Variants in ANK3 observed in about 807,000 individuals in gnomAD.
ANK3 encodes the protein ankyrin 3, also known as ankyrin-3.
A neutral mutation model predicts 370.9 loss-of-function variants in ANK3; 57 were observed. That is an observed-to-expected ratio of 0.15 (90% confidence interval 0.12 to 0.19). The LOEUF is 0.19. Among genes scored for constraint, ANK3 ranks in the 10% least tolerant of loss-of-function variants. The probability of loss-of-function intolerance (pLI) is 1.00; values close to 1 mark genes in which losing one functional copy is unlikely to be tolerated. For synonymous variants in ANK3, 1,929 were observed against 1,946.3 expected (o/e 0.99, Z 0.23); for missense variants, 4,439 against 5,302.1 (o/e 0.84, Z 5.06).
intron 1 of ANK3, among the ~76,000 whole-genome samples, chr10:60,315,305 C>A (rs2047171466): frequency 6.6e-6 from 1 of 152,064 alleles, no homozygotes; most frequent in African/African-American, 2.4e-5. Context: ...TATGTAAATT[C>A]TTCTTGAAAG....
intron 2 of ANK3, among the ~76,000 whole-genome samples, chr10:60,464,150 G>A (rs774248855): frequency 3.9e-5 from 6 of 152,132 alleles, no homozygotes; most frequent in Non-Finnish European, 7.3e-5. Context: ...AGAGATAAGG[G>A]TGCTAATCGG....
At chr10:60,422,198 A>T (rs1205596055) in intron 2 of ANK3, among the ~76,000 whole-genome samples, 1 of 152,082 alleles carries the variant, frequency 6.6e-6, no homozygotes, top group Non-Finnish European at 1.5e-5. Flanking sequence ...TTCTACCATT[A>T]ATTATCCTTG....
In ANK3 at chr10:60,257,625, C is replaced by T. The variant is rs529159268; in HGVS notation, c.798+4234G>A. Among the ~76,000 whole-genome samples the T allele has an allele frequency of 2.6e-5, 4 of 152,158 alleles. No homozygotes were observed. In the East Asian group the frequency reaches 7.7e-4, roughly 29 times the overall value. Reference sequence around the variant, plus strand: ...TGTCAAAAGTGGAAACTCTATTATCCATGCTTCCCTTTCCACTATATATAT... The same window carrying T: ...TGTCAAAAGTGGAAACTCTATTATCTATGCTTCCCTTTCCACTATATATAT... On this transcript the variant is annotated intron_variant, in intron 7 of 43. Transcript: ENST00000280772.
At position 60,561,583 on chromosome 10, in the gene ANK3, C is replaced by T. The variant is rs986812371; in HGVS notation, c.96+53603G>A. Reference sequence around the variant, plus strand: ...TAACACCCTAAAATATTTTTCGTGACGTTTAAAATTCACAAAACATTGGTT... The same window carrying T: ...TAACACCCTAAAATATTTTTCGTGATGTTTAAAATTCACAAAACATTGGTT... On this transcript the variant is annotated intron_variant, in intron 2 of 43. Coordinates refer to the ANK3 transcript ENST00000373827. Among the ~76,000 whole-genome samples the T allele has an allele frequency of 5.3e-5, 8 of 152,124 alleles. 1 individual carries two copies. Among genetic ancestry groups the T allele is most frequent in the Admixed American group, 2.0e-4 (3 of 15,280 alleles).
chr10:60,469,156 T>C (rs2065104643), intron 2 of ANK3, among the ~76,000 whole-genome samples: 1 of 107,422 alleles, frequency 9.3e-6, no homozygotes, highest in Non-Finnish European at 1.9e-5. Flanking sequence ...ACTTTTAGTA[T>C]ATATGTGTGT....
chr10:60,682,389 C>T (rs1156461657), intron 1 of ANK3, among the ~76,000 whole-genome samples: 3 of 118,510 alleles, frequency 2.5e-5, no homozygotes, highest in Admixed American at 9.9e-5. Context: ...ACAACTTCTC[C>T]GAGCCTCATT....
intron 2 of ANK3, among the ~76,000 whole-genome samples, chr10:60,582,184 T>C (rs2077763942): frequency 6.6e-6 from 1 of 152,062 alleles, no homozygotes; most frequent in Admixed American, 6.5e-5. Flanking sequence ...GATGGGTTGA[T>C]GGGTGCAGCA....
At chr10:60,274,144 T>C (rs1377848750) in intron 4 of ANK3, among the ~76,000 whole-genome samples, 2 of 152,102 alleles carry the variant, frequency 1.3e-5, no homozygotes, top group Non-Finnish European at 2.9e-5. Flanking sequence ...GGCTTTTTTA[T>C]TTGTATTTTT....
chr10:60,404,822 A>G (rs1416875089), intron 2 of ANK3, among the ~76,000 whole-genome samples: 2 of 152,192 alleles, frequency 1.3e-5, no homozygotes, highest in East Asian at 3.8e-4. Flanking sequence ...ATATCCGTCC[A>G]AGGATCAGTG....
chr10:60,728,446 A>C (rs1344949309), intron 1 of ANK3, among the ~76,000 whole-genome samples: 5 of 152,196 alleles, frequency 3.3e-5, no homozygotes, highest in Non-Finnish European at 7.4e-5. Context: ...AAAACAATAA[A>C]TGTAAAAGTT....
intron 18 of ANK3, among the ~76,000 whole-genome samples, chr10:60,178,603 G>A: frequency 6.6e-6 from 1 of 152,148 alleles, no homozygotes; most frequent in Non-Finnish European, 1.5e-5. Flanking sequence ...TGAGGGCAAG[G>A]AATATATCTC....
chr10:60,370,072 G>A (rs1036932377), intron 1 of ANK3, among the ~76,000 whole-genome samples: 5 of 152,012 alleles, frequency 3.3e-5, no homozygotes, highest in African/African-American at 1.2e-4. Context: ...TAATGTTCTT[G>A]CAAAAATCTT....
intron 42 of ANK3, 143 bp from the exon 43 acceptor site, chr10:60,042,902 A>C (rs1336492810): frequency 2.0e-6 from 3 of 1,480,488 alleles, no homozygotes; most frequent in South Asian, 1.4e-5. Flanking sequence ...AATACGTACA[A>C]TCTTTAGCTT....
chr10:60,087,010 C>T, intron 29 of ANK3, 126 bp from the exon 30 acceptor site: 2 of 511,744 alleles, frequency 3.9e-6, no homozygotes, highest in Non-Finnish European at 6.1e-6. Flanking sequence ...AAAAAAAAAA[C>T]CCAGGTCTTT....
chr10:60,172,584 G>A (rs2095821812), intron 20 of ANK3, among the ~76,000 whole-genome samples, 181 bp from the exon 21 acceptor site: 1 of 152,154 alleles, frequency 6.6e-6, no homozygotes, highest in Non-Finnish European at 1.5e-5. Context: ...CAAAGTCTGG[G>A]CAGCTACACA....
At chr10:60,369,162 T>A (rs2059787685) in intron 1 of ANK3, among the ~76,000 whole-genome samples, 1 of 152,188 alleles carries the variant, frequency 6.6e-6, no homozygotes, top group African/African-American at 2.4e-5. Context: ...CTTTCAGAAT[T>A]TTCTGGACAT....
chr10:60,527,685 A>G (rs970185899), intron 2 of ANK3, among the ~76,000 whole-genome samples: 1 of 152,190 alleles, frequency 6.6e-6, no homozygotes, highest in Admixed American at 6.6e-5. Flanking sequence ...GCATACAGAG[A>G]AAGGAAATAA....
At chr10:60,421,557 C>T (rs142574582) in intron 2 of ANK3, among the ~76,000 whole-genome samples, 4 of 151,892 alleles carry the variant, frequency 2.6e-5, no homozygotes, top group African/African-American at 7.2e-5. Flanking sequence ...GGGGAGGGAG[C>T]GCACAATTAC....
At chr10:60,456,262 G>A (rs2064744503) in intron 2 of ANK3, among the ~76,000 whole-genome samples, 1 of 152,176 alleles carries the variant, frequency 6.6e-6, no homozygotes, top group South Asian at 2.1e-4. Flanking sequence ...CGCCCCCTTT[G>A]GGGAAACATA....
Sources: allele counts gnomAD v4.1 joint callset (sites outside exome capture counted in the v4.1 genomes callset), GRCh38; gene constraint gnomAD v4.1.1; transcripts MANE v1.5; gene names NCBI Gene and HGNC (gene_info 2026-07-23, HGNC 2026-07-21).